The following ABCC4 variants were observed in gnomAD, a reference collection of about 807,000 sequenced individuals.
The protein encoded by ABCC4 is ATP binding cassette subfamily C member 4 (PEL blood group).
A neutral mutation model predicts 168.5 loss-of-function variants in ABCC4; 102 were observed. The ratio of observed to expected loss-of-function variants is 0.61; its 90% CI spans 0.52 to 0.71. ABCC4 has a LOEUF of 0.71. Among genes scored for constraint, ABCC4 ranks in the 30% least tolerant of loss-of-function variants. ABCC4 has a pLI of 0.00. For missense variants in ABCC4, 1,402 were observed against 1,605.8 expected (o/e 0.87, Z 2.17); for synonymous variants, 617 against 590.7 (o/e 1.04, Z -0.65).
At chr13:95,125,152 A>C (rs1287435118) in intron 19 of ABCC4, among the ~76,000 whole-genome samples, 1 of 152,198 alleles carries the variant, frequency 6.6e-6, no homozygotes, top group African/African-American at 2.4e-5. Context: ...GCTGTCAGGC[A>C]TCCAGGCTGT....
At chr13:95,187,591 G>A (rs552295429) in intron 10 of ABCC4, among the ~76,000 whole-genome samples, 13 of 152,270 alleles carry the variant, frequency 8.5e-5, no homozygotes, top group Middle Eastern at 3.4e-3. Flanking sequence ...GTGACAGAGC[G>A]AGACCATGTC....
intron 4 of ABCC4, among the ~76,000 whole-genome samples, chr13:95,214,680 C>G (rs1248445475): frequency 6.6e-6 from 1 of 151,802 alleles, no homozygotes; most frequent in East Asian, 1.9e-4. Context: ...GAGCCCAGGA[C>G]TTCGAGACCA....
chr13:95,203,866 G>A (rs956857420), intron 8 of ABCC4, among the ~76,000 whole-genome samples: 3 of 152,170 alleles, frequency 2.0e-5, no homozygotes, highest in African/African-American at 4.8e-5. Context: ...TATTCAACTC[G>A]AGTCTGCTTC....
intron 30 of ABCC4, among the ~76,000 whole-genome samples, chr13:95,031,596 C>T (rs969020079): frequency 1.3e-5 from 2 of 152,056 alleles, no homozygotes; most frequent in Admixed American, 1.3e-4. Context: ...ACTATACGAA[C>T]GTAAGTTACG....
chr13:95,294,772 T>G (rs958556451), intron 1 of ABCC4, among the ~76,000 whole-genome samples: 14 of 151,804 alleles, frequency 9.2e-5, no homozygotes, highest in Non-Finnish European at 1.6e-4. Flanking sequence ...GGACAACATG[T>G]TGAAACCCCA....
intron 13 of ABCC4, among the ~76,000 whole-genome samples, chr13:95,177,170 C>G: frequency 6.6e-6 from 1 of 152,282 alleles, no homozygotes; most frequent in East Asian, 1.9e-4. Context: ...TTCTTAAATT[C>G]TAGATTTTAC....
intron 3 of ABCC4, among the ~76,000 whole-genome samples, chr13:95,238,195 GAAAAAAAAAAA>G (rs10644641): frequency 1.2e-4 from 8 of 65,872 alleles, no homozygotes; most frequent in African/African-American, 2.9e-4. Flanking sequence ...CTCCATCTCA[GAAAAAAAAAAA>G]AAAAAAAAAA....
In ABCC4 at chr13:95,196,643, A is replaced by G. The variant is rs945804635; in HGVS notation, c.1162-1706T>C. 6.3e-3 allele frequency among the ~76,000 whole-genome samples: 128 copies of G among 20,308 alleles called. 2 individuals carry two copies. Among genetic ancestry groups the G allele is most frequent in the African/African-American group, 8.6e-3 (37 of 4,306 alleles). 13.3% of individuals were successfully genotyped at this position (20,308 alleles called of 152,430 possible). ...AAGGAAGGAAGGAAGGAAGGAAGGA[A>G]GGAAGGAAGGAAGGAAGGAAGGAAG... On this transcript the variant is annotated intron_variant, in intron 8 of 30. Coordinates refer to ENST00000645237, the MANE Select transcript of ABCC4 (RefSeq NM_005845.5).
intron 1 of ABCC4, among the ~76,000 whole-genome samples, chr13:95,299,723 CAT>C (rs2041626902): frequency 6.6e-6 from 1 of 152,082 alleles, no homozygotes; most frequent in African/African-American, 2.4e-5. Flanking sequence ...GCAATATCAA[CAT>C]GTGGGAAAGA....
intron 3 of ABCC4, among the ~76,000 whole-genome samples, chr13:95,236,618 ACACT>A (rs1331338214): frequency 5.3e-5 from 8 of 149,960 alleles, no homozygotes; most frequent in South Asian, 2.1e-4. Flanking sequence ...ACACACACAC[ACACT>A]CTCTCTCACA....
At chr13:95,184,509 A>C (rs1246296754) in intron 11 of ABCC4, among the ~76,000 whole-genome samples, 1 of 152,212 alleles carries the variant, frequency 6.6e-6, no homozygotes, top group East Asian at 1.9e-4. Flanking sequence ...TGTTCAAGTG[A>C]GTCATTTTAT....
chr13:95,217,398 T>G (rs1451222154), intron 4 of ABCC4, among the ~76,000 whole-genome samples: 1 of 152,152 alleles, frequency 6.6e-6, no homozygotes, highest in East Asian at 1.9e-4. Context: ...AATCTTCATT[T>G]TAACAGATGT....
chr13:95,158,071 CAAAAAA>C (rs35037278), intron 19 of ABCC4, among the ~76,000 whole-genome samples: 1 of 84,680 alleles, frequency 1.2e-5, no homozygotes, highest in African/African-American at 3.6e-5. Context: ...GACTCCGTCT[CAAAAAA>C]AAAAAAAAAA....
At chr13:95,258,416 A>C (rs766852350) in intron 1 of ABCC4, among the ~76,000 whole-genome samples, 2 of 151,992 alleles carry the variant, frequency 1.3e-5, no homozygotes, top group Non-Finnish European at 2.9e-5. Context: ...CCATGATTAG[A>C]TCTTCTCTCC....
At chr13:95,185,752 C>T (rs900152567) in intron 11 of ABCC4, among the ~76,000 whole-genome samples, 2 of 151,968 alleles carry the variant, frequency 1.3e-5, no homozygotes, top group South Asian at 2.1e-4. Context: ...ACTTATAGCC[C>T]TCTATTAAGT....
Position 95,034,606 on chromosome 13 carries a change from T to C in ABCC4, c.3869A>G (p.Gln1290Arg), listed in dbSNP as rs748268663. The C allele has an allele frequency of 6.2e-7, 1 of 1,612,532 alleles. No homozygotes were observed. The highest frequency in any genetic ancestry group is 1.1e-5 in the South Asian group (1 of 90,938). The part of the protein sequence containing the change: ...EAAALTETAK[Q>R]VYFKRNYPHI... ...TACAACTCCTTGGAGCACGCTCACCTGTTTTGCTGTTTCAGTGAGGGCAGC... is the reference window on the plus strand; with the variant it reads ...TACAACTCCTTGGAGCACGCTCACCCGTTTTGCTGTTTCAGTGAGGGCAGC... Residue 1290 changes from glutamine (Q) to arginine (R), a missense_variant and splice_region_variant, in exon 30 of 31, where the codon CAG becomes CGG. Transcript: ENST00000645237.
At chr13:95,089,348 G>A (rs975984146) in intron 20 of ABCC4, among the ~76,000 whole-genome samples, 2 of 152,250 alleles carry the variant, frequency 1.3e-5, no homozygotes, top group African/African-American at 2.4e-5. Context: ...GTCCGGGCCC[G>A]GTGACTCACA....
intron 3 of ABCC4, among the ~76,000 whole-genome samples, chr13:95,238,098 G>A (rs996182418): frequency 3.3e-5 from 5 of 150,636 alleles, no homozygotes; most frequent in Non-Finnish European, 7.4e-5. Flanking sequence ...GGGAGGCTGA[G>A]GCACAAGAAT....
intron 4 of ABCC4, among the ~76,000 whole-genome samples, chr13:95,219,896 C>T (rs1413050002): frequency 7.4e-5 from 11 of 149,332 alleles, no homozygotes; most frequent in African/African-American, 2.7e-4. Flanking sequence ...ACTCTTGTTG[C>T]CCAGGCTGGA....
Sources: gnomAD v4.1 joint callset for allele counts (sites outside exome capture counted in the v4.1 genomes callset) on GRCh38, gnomAD v4.1.1 for gene constraint, MANE v1.5 for transcripts, NCBI Gene and HGNC (gene_info 2026-07-23, HGNC 2026-07-21) for gene names.